The following SPATA31F1 variants were observed in gnomAD, a reference collection of about 807,000 sequenced individuals.
The protein encoded by SPATA31F1 is protein SPATA31F1.
chr9:34,727,078 G>A, the SPATA31F1 span: 1 of 1,472,448 alleles, frequency 6.8e-7, no homozygotes. Context: ...TCCTTTCCCA[G>A]TCCTGAAAAC....
the SPATA31F1 span, among the ~76,000 whole-genome samples, chr9:34,728,953 T>C: frequency 6.6e-6 from 1 of 152,114 alleles, no homozygotes; most frequent in Admixed American, 6.6e-5. Context: ...AAAGGGTAAA[T>C]GGTTCTAACA....
At chr9:34,727,759 T>A in the SPATA31F1 span, among the ~76,000 whole-genome samples, 1 of 152,228 alleles carries the variant, frequency 6.6e-6, no homozygotes, top group African/African-American at 2.4e-5. Context: ...CCATGTAATA[T>A]GTTTTATGAA....
the SPATA31F1 span, chr9:34,727,056 G>A: frequency 6.7e-7 from 1 of 1,497,136 alleles, no homozygotes; most frequent in Admixed American, 2.1e-5. Context: ...GTGTGGGCTG[G>A]AGTGGGCACT....
At chr9:34,723,375 A>G in the SPATA31F1 span, 1 of 1,551,614 alleles carries the variant, frequency 6.4e-7, no homozygotes, top group African/African-American at 1.4e-5. Context: ...GGACCATCCA[A>G]GAAGGCTGGG....
chr9:34,723,311 G>A, the SPATA31F1 span: 2 of 1,551,608 alleles, frequency 1.3e-6, no homozygotes, highest in Admixed American at 2.0e-5. Context: ...GCCCAGGGCT[G>A]AGGCAGAGCC....
At chr9:34,723,521 G>T in the SPATA31F1 span, 7 of 1,551,812 alleles carry the variant, frequency 4.5e-6, no homozygotes, top group Non-Finnish European at 6.1e-6. Flanking sequence ...GGCCACCTTC[G>T]CAGCGGCTGA....
chr9:34,726,088 T>G, the SPATA31F1 span: 17 of 1,497,230 alleles, frequency 1.1e-5, no homozygotes, highest in Middle Eastern at 1.7e-4. Flanking sequence ...AGTGGTGTCT[T>G]TGTTCTGGGT....
At chr9:34,729,251 G>A in the SPATA31F1 span, 1 of 1,543,596 alleles carries the variant, frequency 6.5e-7, no homozygotes. Context: ...CTTATCTGAG[G>A]CTTAATTAGT....
chr9:34,726,780 C>G, the SPATA31F1 span: 4 of 1,551,730 alleles, frequency 2.6e-6, no homozygotes, highest in African/African-American at 4.1e-5. Flanking sequence ...GAATGAAACT[C>G]CAGACTCTGA....
the SPATA31F1 span, chr9:34,727,984 G>C: frequency 6.5e-7 from 1 of 1,542,142 alleles, no homozygotes. Flanking sequence ...TCATAGGCCA[G>C]GCTGGTTGTT....
the SPATA31F1 span, chr9:34,727,061 G>A: frequency 6.7e-7 from 1 of 1,490,646 alleles, no homozygotes; most frequent in Non-Finnish European, 8.9e-7. Context: ...GGCTGGAGTG[G>A]GCACTCTCCT....
chr9:34,726,133 G>T, the SPATA31F1 span: 3 of 1,406,110 alleles, frequency 2.1e-6, no homozygotes, highest in Non-Finnish European at 2.9e-6. Flanking sequence ...AGAAGGTCTG[G>T]ATGGGCTGGC....
chr9:34,725,124 C>T, the SPATA31F1 span: 4 of 1,550,190 alleles, frequency 2.6e-6, no homozygotes, highest in Non-Finnish European at 3.5e-6. Context: ...GCCAGGACCC[C>T]AGAAATTCTG....
the SPATA31F1 span, chr9:34,723,430 T>A: frequency 6.4e-7 from 1 of 1,551,784 alleles, no homozygotes; most frequent in Middle Eastern, 1.7e-4. Context: ...TGGAGCACCC[T>A]GTCGGCTTCT....
At chr9:34,727,120 G>A in the SPATA31F1 span, 1 of 1,420,014 alleles carries the variant, frequency 7.0e-7, no homozygotes, top group Non-Finnish European at 9.2e-7. Context: ...TTGTCTACCT[G>A]TCTGCTTTCC....
the SPATA31F1 span, chr9:34,724,104 C>T: frequency 1.3e-6 from 2 of 1,528,744 alleles, no homozygotes; most frequent in East Asian, 4.9e-5. Context: ...TCTCTGTTTC[C>T]TGCTAGCATG....
At chr9:34,724,350 G>C in the SPATA31F1 span, 1 of 1,551,202 alleles carries the variant, frequency 6.4e-7, no homozygotes, top group Non-Finnish European at 8.7e-7. Context: ...TTGGCCAGCT[G>C]TTCTTTAAGG....
At chr9:34,727,699 C>A in the SPATA31F1 span, among the ~76,000 whole-genome samples, 1 of 152,198 alleles carries the variant, frequency 6.6e-6, no homozygotes, top group Non-Finnish European at 1.5e-5. Flanking sequence ...CTTCTTTATT[C>A]AAAACCCATT....
At chr9:34,724,166 C>T in the SPATA31F1 span, 1 of 1,551,070 alleles carries the variant, frequency 6.4e-7, no homozygotes, top group Non-Finnish European at 8.7e-7. Context: ...CTCAGGGCCA[C>T]AGGGTTCCTC....
Sources: gnomAD v4.1 joint callset for allele counts (sites outside exome capture counted in the v4.1 genomes callset) on GRCh38, gnomAD v4.1.1 for gene constraint, MANE v1.5 for transcripts, NCBI Gene and HGNC (gene_info 2026-07-23, HGNC 2026-07-21) for gene names.